DYNC2H1: variants seen among roughly 807,000 people sequenced by gnomAD.
DYNC2H1 encodes cytoplasmic dynein 2 heavy chain 1.
In DYNC2H1, 410 loss-of-function variants were observed where a neutral mutation model predicts 570.0. The observed-to-expected ratio is 0.72, with a 90% CI of 0.66 to 0.78. The LOEUF is 0.78. Ranked by LOEUF, DYNC2H1 falls within the 30% of genes least tolerant of loss-of-function variation. The pLI is 0.00. For synonymous variants in DYNC2H1, 1,688 were observed against 1,677.6 expected, an observed-to-expected ratio of 1.01 and a Z score of -0.15; for missense variants, 4,865 against 5,046.4, an observed-to-expected ratio of 0.96 and a Z score of 1.09.
chr11:103,281,426 T>C (rs925457823), intron 71 of DYNC2H1, among the ~76,000 whole-genome samples: 2 of 152,088 alleles, frequency 1.3e-5, no homozygotes, highest in Non-Finnish European at 2.9e-5. Context: ...AACACTTTTC[T>C]CTGACTCACA....
At chr11:103,371,469 C>T (rs757230432) in intron 83 of DYNC2H1, among the ~76,000 whole-genome samples, 3 of 152,040 alleles carry the variant, frequency 2.0e-5, no homozygotes, top group Non-Finnish European at 2.9e-5. Flanking sequence ...GAATACCAAG[C>T]AGATTTAATT....
At chr11:103,406,110 T>C (rs551949809) in intron 84 of DYNC2H1, 5 of 152,146 alleles carry the variant, frequency 3.3e-5, no homozygotes, top group Admixed American at 1.3e-4. Flanking sequence ...TTGCATTCAA[T>C]TGATGCAGAA....
intron 82 of DYNC2H1, among the ~76,000 whole-genome samples, chr11:103,350,913 G>A (rs1185964998): frequency 6.6e-6 from 1 of 151,922 alleles, no homozygotes; most frequent in Admixed American, 6.6e-5. Context: ...TGGGAGTTAG[G>A]GCCTCAACAG....
At position 103,152,189 on chromosome 11, in the gene DYNC2H1, G is replaced by A; in HGVS notation, c.3000G>A (p.Val1000=). 6.2e-7 allele frequency: 1 copy of A among 1,607,676 alleles called. No individual in the cohort carries two copies. Among genetic ancestry groups the A allele is most frequent in the Non-Finnish European group, 8.5e-7 (1 of 1,177,852 alleles). The change falls in exon 21 of 89, where the codon GTG becomes GTA. Residue 1000 remains valine (V), a synonymous_variant. Coordinates refer to ENST00000375735, the MANE Select transcript of DYNC2H1 (RefSeq NM_001377.3). ...AEDKNRLLRT[V]AGGGLETISN... is the part of the protein sequence containing the mutation. ...ACAAAAACAGACTTTTACGAACTGTGGCTGGTGGAGGTTTAGAAACAATTA... is the reference window on the plus strand; with the variant it reads ...ACAAAAACAGACTTTTACGAACTGTAGCTGGTGGAGGTTTAGAAACAATTA...
chr11:103,280,362 G>C lies in DYNC2H1; in HGVS notation c.10710G>C (p.Met3570Ile). The C allele has an allele frequency of 6.4e-7, 1 of 1,555,444 alleles. No individual in the cohort carries two copies. The highest frequency in any genetic ancestry group is 8.7e-7 in the Non-Finnish European group (1 of 1,148,190). ...ATTCTTTGCAGGCTGATCAGTTGAT[G>C]TTCGCTTTGCATTTTGTTCGAGGCA... is the stretch of plus-strand genomic sequence containing the variant. The part of the protein sequence containing the change: ...CRCLFKADQL[M>I]FALHFVRGMH... Residue 3570 changes from methionine (M) to isoleucine (I), a missense_variant, in exon 71 of 89, where the codon ATG becomes ATC. Met to Ile is a conservative substitution (Grantham distance 10, BLOSUM62 1). Coordinates refer to ENST00000375735, the MANE Select transcript of DYNC2H1 (RefSeq NM_001377.3). The surrounding 1 kb of genome is among the most constrained non-coding windows in gnomAD (Gnocchi z 4.7).
In DYNC2H1 at chr11:103,203,426, A is replaced by G. The variant is rs1862795743; in HGVS notation, c.8198-237A>G. Reference sequence around the variant, plus strand: ...TACAAGGTCTTATGGAGGAAGATGGAAAAATAACCAGTAAAGGTAGACAGA... The same window carrying G: ...TACAAGGTCTTATGGAGGAAGATGGGAAAATAACCAGTAAAGGTAGACAGA... On this transcript the variant is annotated intron_variant, in intron 50 of 88. Transcript: ENST00000375735. The surrounding 1 kb of genome is among the most constrained non-coding windows in gnomAD (Gnocchi z 4.7). Among the ~76,000 whole-genome samples, 1 of 152,058 alleles carries G rather than the reference A, an allele frequency of 6.6e-6. No homozygotes were observed. The highest frequency in any genetic ancestry group is 2.1e-4 in the South Asian group (1 of 4,830).
chr11:103,348,790 T>A (rs1298303907), intron 82 of DYNC2H1, among the ~76,000 whole-genome samples: 2 of 152,072 alleles, frequency 1.3e-5, no homozygotes, highest in Non-Finnish European at 2.9e-5. Context: ...AGTTCCCATA[T>A]CCCCCATGTG....
intron 83 of DYNC2H1, among the ~76,000 whole-genome samples, chr11:103,362,328 TTTTTC>T (rs369200223): frequency 0.25 from 11,697 of 47,220 alleles, 1,221 homozygotes; most frequent in East Asian, 0.35. Context: ...TTCTTTTTTT[TTTTTC>T]TTTTTTTTTT....
At chr11:103,388,008 C>T (rs1591665152) in intron 83 of DYNC2H1, among the ~76,000 whole-genome samples, 3 of 152,132 alleles carry the variant, frequency 2.0e-5, no homozygotes, top group East Asian at 3.9e-4. Context: ...TCCATATGAA[C>T]TTTAAAGTAG....
intron 40 of DYNC2H1, 64 bp from the exon 41 acceptor site, chr11:103,184,832 G>A (rs1031043856): frequency 5.1e-5 from 79 of 1,562,966 alleles, no homozygotes; most frequent in Non-Finnish European, 6.4e-5. Context: ...CAGTCTGTAT[G>A]GTTCTATGTT....
chr11:103,422,960 A>G, intron 84 of DYNC2H1, among the ~76,000 whole-genome samples: 1 of 135,894 alleles, frequency 7.4e-6, no homozygotes, highest in East Asian at 2.3e-4. Context: ...CCCAAAAGCT[A>G]GGAATACCTC....
intron 84 of DYNC2H1, among the ~76,000 whole-genome samples, chr11:103,431,434 G>C (rs1943889782): frequency 6.6e-6 from 1 of 151,990 alleles, no homozygotes. Context: ...TTTACATCCT[G>C]GATCTGCCAT....
intron 31 of DYNC2H1, among the ~76,000 whole-genome samples, chr11:103,168,410 T>G (rs911959788): frequency 1.3e-5 from 2 of 152,212 alleles, no homozygotes; most frequent in Non-Finnish European, 2.9e-5. Context: ...TGCTACTCTT[T>G]TCAGAGTTCT....
Position 103,129,085 on chromosome 11 carries a change from G to C in DYNC2H1, c.1953+80G>C. ...TCTTAATTTTCCGGTGTTCCCTTCA[G>C]CTTAATATATCAAATGATCTAGATT... On this transcript the variant is annotated intron_variant, in intron 13 of 88. Coordinates refer to ENST00000375735, the MANE Select transcript of DYNC2H1 (RefSeq NM_001377.3). The surrounding 1 kb of genome is among the most constrained non-coding windows in gnomAD (Gnocchi z 4.1). 1 of 1,175,778 alleles carries C rather than the reference G, an allele frequency of 8.5e-7. No individual in the cohort carries two copies. Among genetic ancestry groups the C allele is most frequent in the South Asian group, 1.6e-5 (1 of 64,298 alleles). 72.8% of individuals were successfully genotyped at this position (1,175,778 alleles called of 1,614,324 possible).
In DYNC2H1 at chr11:103,295,202, T is replaced by C. The variant is rs367842119; in HGVS notation, c.11095+7597T>C. Among the ~76,000 whole-genome samples, 9 of 152,332 alleles carry C rather than the reference T, an allele frequency of 5.9e-5. No individual in the cohort carries two copies. In the East Asian group the frequency reaches 1.5e-3, roughly 26 times the overall value. On this transcript the variant is annotated intron_variant, in intron 75 of 88. Transcript: ENST00000375735. ...GCTAGTGGTGAAGATGACTGGGACT[T>C]GGTTTCCTCCTTCTGAAGCAGAGGA...
chr11:103,213,628 A>T (rs201417824), intron 54 of DYNC2H1, among the ~76,000 whole-genome samples: 1 of 3,574 alleles, frequency 2.8e-4, no homozygotes, highest in Non-Finnish European at 2.7e-3. Flanking sequence ...TGTGTCTTTT[A>T]AAAAAAAAAA....
intron 5 of DYNC2H1, 98 bp from the exon 6 acceptor site, chr11:103,117,533 T>G: frequency 9.8e-7 from 1 of 1,016,456 alleles, no homozygotes; most frequent in Non-Finnish European, 1.4e-6. Context: ...GTTGGCTAAT[T>G]TGTATATTTT....
intron 75 of DYNC2H1, among the ~76,000 whole-genome samples, chr11:103,300,783 T>C (rs1867014228): frequency 1.3e-5 from 2 of 151,986 alleles, no homozygotes; most frequent in Admixed American, 6.6e-5. Flanking sequence ...CTTGCCCTCA[T>C]GAAGTTTACA....
intron 17 of DYNC2H1, among the ~76,000 whole-genome samples, 185 bp from the exon 18 acceptor site, chr11:103,143,083 A>T (rs1176630993): frequency 6.6e-6 from 1 of 152,232 alleles, no homozygotes; most frequent in Non-Finnish European, 1.5e-5. Context: ...CTGCATTTGC[A>T]TATTAAATCT....
Sources: gnomAD v4.1 joint callset for allele counts (sites outside exome capture counted in the v4.1 genomes callset) on GRCh38, gnomAD v4.1.1 for gene constraint, Gnocchi (gnomAD v3.1) non-coding constraint, MANE v1.5 for transcripts, NCBI Gene and HGNC (gene_info 2026-07-23, HGNC 2026-07-21) for gene names.